Variants in MITF observed in about 807,000 individuals in gnomAD.
The protein encoded by MITF is microphthalmia-associated transcription factor.
Under a neutral mutation model 60.5 loss-of-function variants are expected in MITF, and 17 were observed. The observed-to-expected ratio is 0.28, with a 90% CI of 0.19 to 0.42. MITF has a LOEUF of 0.42. Ranked by LOEUF, MITF falls within the 10% of genes least tolerant of loss-of-function variation. The pLI is 1.00. For synonymous variants in MITF, 260 were observed against 248.5 expected, an observed-to-expected ratio of 1.05 and a Z score of -0.43; for missense variants, 622 against 683.5, an observed-to-expected ratio of 0.91 and a Z score of 1.00.
At chr3:69,796,233 G>A (rs1167351905) in intron 1 of MITF, among the ~76,000 whole-genome samples, 1 of 151,992 alleles carries the variant, frequency 6.6e-6, no homozygotes, top group Non-Finnish European at 1.5e-5. Flanking sequence ...TGCCTGCCTC[G>A]GCCTCCTAAA....
At chr3:69,915,354 T>C (rs969555999) in intron 2 of MITF, among the ~76,000 whole-genome samples, 4 of 152,136 alleles carry the variant, frequency 2.6e-5, no homozygotes, top group African/African-American at 9.7e-5. Flanking sequence ...CTATAATAGA[T>C]TTCCTTTAAA....
chr3:69,791,574 C>T, intron 1 of MITF, among the ~76,000 whole-genome samples: 1 of 152,164 alleles, frequency 6.6e-6, no homozygotes, highest in East Asian at 1.9e-4. Context: ...CTCTTCATGG[C>T]AAGTTAAGAA....
intron 1 of MITF, among the ~76,000 whole-genome samples, chr3:69,864,501 C>G (rs138087943): frequency 6.6e-6 from 1 of 152,278 alleles, no homozygotes; most frequent in East Asian, 1.9e-4. Context: ...GCACATCTGC[C>G]CTTCCCATGA....
chr3:69,907,241 A>T (rs142148668), intron 2 of MITF, among the ~76,000 whole-genome samples: 1 of 152,166 alleles, frequency 6.6e-6, no homozygotes, highest in African/African-American at 2.4e-5. Flanking sequence ...CCTACTTTCT[A>T]TGTCCAAAAC....
intron 1 of MITF, among the ~76,000 whole-genome samples, chr3:69,819,396 T>C (rs1401755490): frequency 6.6e-6 from 1 of 152,196 alleles, no homozygotes; most frequent in African/African-American, 2.4e-5. Context: ...GCTAGAAGAA[T>C]CTTCTTGCTG....
At chr3:69,784,632 A>G (rs1411332501) in intron 1 of MITF, among the ~76,000 whole-genome samples, 1 of 152,042 alleles carries the variant, frequency 6.6e-6, no homozygotes, top group African/African-American at 2.4e-5. Context: ...TATTAGAGAA[A>G]TTACTTTTTT....
At chr3:69,853,900 G>A (rs950129085) in intron 1 of MITF, among the ~76,000 whole-genome samples, 4 of 139,152 alleles carry the variant, frequency 2.9e-5, no homozygotes, top group African/African-American at 8.1e-5. Context: ...TCACTCTGTC[G>A]CCCAGGCTGG....
intron 1 of MITF, among the ~76,000 whole-genome samples, chr3:69,859,592 C>A (rs1044025631): frequency 2.0e-5 from 3 of 151,970 alleles, no homozygotes; most frequent in Non-Finnish European, 4.4e-5. Context: ...CCATGGAGGC[C>A]ACTTCTACAG....
chr3:69,893,627 G>T (rs980602647), intron 2 of MITF, among the ~76,000 whole-genome samples: 2 of 152,196 alleles, frequency 1.3e-5, no homozygotes, highest in Non-Finnish European at 2.9e-5. Context: ...GAAGTGACTA[G>T]AAGGTTAATG....
intron 2 of MITF, among the ~76,000 whole-genome samples, chr3:69,906,312 T>A (rs1336073628): frequency 4.6e-5 from 7 of 152,156 alleles, no homozygotes; most frequent in Admixed American, 4.6e-4. Flanking sequence ...TCTGTTTTTC[T>A]TCCTTGACAC....
chr3:69,896,899 A>G (rs1346413681), intron 2 of MITF, among the ~76,000 whole-genome samples: 1 of 152,168 alleles, frequency 6.6e-6, no homozygotes, highest in African/African-American at 2.4e-5. Context: ...AAGGTGAGGG[A>G]CGTATCCCTG....
intron 2 of MITF, among the ~76,000 whole-genome samples, chr3:69,903,717 C>G (rs1025543527): frequency 1.3e-5 from 2 of 152,082 alleles, no homozygotes; most frequent in African/African-American, 4.8e-5. Context: ...CCAGTATCTA[C>G]TGGAGCTAAA....
chr3:69,760,292 G>T (rs900821382), intron 1 of MITF, among the ~76,000 whole-genome samples: 1 of 152,186 alleles, frequency 6.6e-6, no homozygotes, highest in Non-Finnish European at 1.5e-5. Context: ...AAAGCAGTAG[G>T]ATTGACAGAG....
At chr3:69,779,341 C>G (rs1056161540) in intron 1 of MITF, among the ~76,000 whole-genome samples, 1 of 152,084 alleles carries the variant, frequency 6.6e-6, no homozygotes, top group African/African-American at 2.4e-5. Flanking sequence ...CACAAAAATG[C>G]CTCTGAAACA....
intron 1 of MITF, among the ~76,000 whole-genome samples, chr3:69,847,938 C>T (rs1264624078): frequency 6.6e-6 from 1 of 152,192 alleles, no homozygotes; most frequent in East Asian, 1.9e-4. Flanking sequence ...AGAGCTCTTT[C>T]CACATTTAAT....
intron 2 of MITF, among the ~76,000 whole-genome samples, chr3:69,897,018 T>C (rs2064890705): frequency 6.6e-6 from 1 of 152,132 alleles, no homozygotes; most frequent in Non-Finnish European, 1.5e-5. Flanking sequence ...ATACATACTC[T>C]GGATTTTGGT....
intron 6 of MITF, among the ~76,000 whole-genome samples, chr3:69,950,491 C>T (rs959240749): frequency 1.4e-5 from 2 of 146,710 alleles, no homozygotes; most frequent in African/African-American, 5.0e-5. Context: ...CACACATACA[C>T]ACACACACAT....
At chr3:69,796,616 G>T (rs6792677) in intron 1 of MITF, among the ~76,000 whole-genome samples, 1 of 148,102 alleles carries the variant, frequency 6.8e-6, no homozygotes, top group Non-Finnish European at 1.5e-5. Flanking sequence ...ACGCCATTCT[G>T]CTGCCTCAGC....
intron 1 of MITF, among the ~76,000 whole-genome samples, chr3:69,870,426 A>G (rs112974516): frequency 3.1e-3 from 441 of 144,342 alleles, no homozygotes; most frequent in African/African-American, 0.01. Flanking sequence ...ATGTGTGTGT[A>G]TATATATATA....
Sources: gnomAD v4.1 joint callset for allele counts (sites outside exome capture counted in the v4.1 genomes callset) on GRCh38, gnomAD v4.1.1 for gene constraint, MANE v1.5 for transcripts, NCBI Gene and HGNC (gene_info 2026-07-23, HGNC 2026-07-21) for gene names.